ATXN8OS: variants seen among roughly 807,000 people sequenced by gnomAD.
ATXN8OS encodes the protein ATXN8 opposite strand lncRNA.
At chr13:70,167,181 A>T (rs557061862) in intron 4 of ATXN8OS, among the ~76,000 whole-genome samples, 1 of 152,124 alleles carries the variant, frequency 6.6e-6, no homozygotes, top group Admixed American at 6.6e-5. Flanking sequence ...TACCCAAAGG[A>T]TTATAAATCA....
chr13:70,138,440 A>ATTTT (rs1888650435), intron 3 of ATXN8OS, among the ~76,000 whole-genome samples: 1 of 152,154 alleles, frequency 6.6e-6, no homozygotes, highest in Non-Finnish European at 1.5e-5. Flanking sequence ...TTAAAATGCA[A>ATTTT]AAAATAGGTT....
chr13:70,129,359 T>C (rs1279628605), intron 2 of ATXN8OS, among the ~76,000 whole-genome samples: 1 of 143,410 alleles, frequency 7.0e-6, no homozygotes, highest in East Asian at 2.1e-4. Context: ...AAAATAATAT[T>C]AGTGCTTGTA....
intron 2 of ATXN8OS, among the ~76,000 whole-genome samples, chr13:70,127,753 T>C (rs1394873447): frequency 2.1e-5 from 3 of 140,602 alleles, no homozygotes; most frequent in East Asian, 4.3e-4. Context: ...ATTAATCATG[T>C]TATTAAAAAG....
chr13:70,110,310 GT>G (rs1315275405), intron 1 of ATXN8OS, among the ~76,000 whole-genome samples: 3 of 151,892 alleles, frequency 2.0e-5, no homozygotes, highest in African/African-American at 7.3e-5. Context: ...CAATATATAA[GT>G]TTGAAAAAAT....
rs553233490 is a variant in ATXN8OS, at chr13:70,120,108, C to T, written n.398+4810C>T. ...AACTTATAGCAGACATTGAACTCCACATATTTGCAATTTTTTCTTGTTATT... is the reference window on the plus strand; with the variant it reads ...AACTTATAGCAGACATTGAACTCCATATATTTGCAATTTTTTCTTGTTATT... On this transcript the variant is annotated intron_variant and non_coding_transcript_variant, in intron 2 of 4. Transcript: ENST00000678624. 3.3e-5 allele frequency among the ~76,000 whole-genome samples: 5 copies of T among 152,204 alleles called. No homozygotes were observed. The East Asian group carries it at 5.8e-4, about 18-fold the overall frequency.
chr13:70,139,386 G>T (rs633100), intron 3 of ATXN8OS: 1 of 261,180 alleles, frequency 3.8e-6, no homozygotes, highest in Non-Finnish European at 6.2e-6. Flanking sequence ...TACTACTACT[G>T]CTGCTGCTGC....
intron 1 of ATXN8OS, chr13:70,108,507 A>G (rs1050817784): frequency 6.9e-6 from 1 of 145,342 alleles, no homozygotes; most frequent in Non-Finnish European, 1.5e-5. Context: ...GCAGATGTGC[A>G]CTGGGGCCTA....
chr13:70,152,262 T>C (rs1350702134), intron 4 of ATXN8OS, among the ~76,000 whole-genome samples: 1 of 152,052 alleles, frequency 6.6e-6, no homozygotes, highest in African/African-American at 2.4e-5. Flanking sequence ...CTCTCTGAGC[T>C]TCCCATCTAA....
At position 70,133,073 on chromosome 13, in the gene ATXN8OS, G is replaced by A. The variant is rs184620827; in HGVS notation, n.499+3189G>A. ...CAATCACCTAGTTATGCCTCACTTC[G>A]ATAGAGCTAGGAGAGGCAGTTTATG... On this transcript the variant is annotated intron_variant and non_coding_transcript_variant, in intron 3 of 4. Coordinates refer to ENST00000678624, the Ensembl canonical transcript of ATXN8OS. 2.6e-5 allele frequency among the ~76,000 whole-genome samples: 4 copies of A among 152,188 alleles called. No homozygotes were observed. In the East Asian group the frequency reaches 5.8e-4, roughly 22 times the overall value.
chr13:70,116,400 AGTGAAAG>A (rs1194344343), intron 2 of ATXN8OS, among the ~76,000 whole-genome samples: 5 of 152,148 alleles, frequency 3.3e-5, no homozygotes, highest in Non-Finnish European at 4.4e-5. Flanking sequence ...TCCAAAAATA[AGTGAAAG>A]CATGGACTGT....
At chr13:70,148,967 G>A (rs1888826347) in intron 4 of ATXN8OS, among the ~76,000 whole-genome samples, 1 of 152,056 alleles carries the variant, frequency 6.6e-6, no homozygotes. Flanking sequence ...CTTAATGAAT[G>A]TAAATATGAA....
chr13:70,147,033 G>T (rs539500043), intron 3 of ATXN8OS, among the ~76,000 whole-genome samples: 1 of 152,182 alleles, frequency 6.6e-6, no homozygotes, highest in African/African-American at 2.4e-5. Flanking sequence ...ATGTGTTTTT[G>T]CAAATGGGAA....
At chr13:70,118,696 G>A (rs535085205) in intron 2 of ATXN8OS, among the ~76,000 whole-genome samples, 5 of 152,076 alleles carry the variant, frequency 3.3e-5, no homozygotes, top group Admixed American at 3.3e-4. Context: ...AGAATAATTT[G>A]TATTATAAAA....
chr13:70,114,111 A>C (rs1888240233), intron 1 of ATXN8OS, among the ~76,000 whole-genome samples: 1 of 152,228 alleles, frequency 6.6e-6, no homozygotes, highest in African/African-American at 2.4e-5. Flanking sequence ...TACTAGAAGT[A>C]AATTGGCTTC....
At chr13:70,162,527 T>C (rs551885143) in intron 4 of ATXN8OS, among the ~76,000 whole-genome samples, 5 of 152,220 alleles carry the variant, frequency 3.3e-5, no homozygotes, top group Admixed American at 3.3e-4. Context: ...TGTTGCAGGC[T>C]AGTTTCCTGA....
At chr13:70,124,397 G>A (rs1209090261) in intron 2 of ATXN8OS, among the ~76,000 whole-genome samples, 2 of 152,044 alleles carry the variant, frequency 1.3e-5, no homozygotes, top group Non-Finnish European at 2.9e-5. Context: ...ATGCTGAGTG[G>A]AGCTGCAACA....
intron 2 of ATXN8OS, among the ~76,000 whole-genome samples, chr13:70,115,575 T>TG (rs1260334369): frequency 6.6e-6 from 1 of 152,100 alleles, no homozygotes; most frequent in Non-Finnish European, 1.5e-5. Flanking sequence ...AAAATGAAGA[T>TG]GGTCTTACTA....
chr13:70,132,533 C>T lies in ATXN8OS; in HGVS notation n.499+2649C>T, dbSNP rs571506170. Among the ~76,000 whole-genome samples, 3 of 152,020 alleles carry T rather than the reference C, an allele frequency of 2.0e-5. No homozygotes were observed. The South Asian group carries it at 6.2e-4, about 32-fold the overall frequency. Reference sequence around the variant, plus strand: ...GGTACTACGCTCACCTCCTGGGTTACAGAATCATTCTTATCCTAAACCTTA... The same window carrying T: ...GGTACTACGCTCACCTCCTGGGTTATAGAATCATTCTTATCCTAAACCTTA... On this transcript the variant is annotated intron_variant and non_coding_transcript_variant, in intron 3 of 4. Coordinates refer to ENST00000678624, the Ensembl canonical transcript of ATXN8OS.
At chr13:70,153,936 C>T (rs1888905683) in intron 4 of ATXN8OS, among the ~76,000 whole-genome samples, 1 of 152,152 alleles carries the variant, frequency 6.6e-6, no homozygotes, top group African/African-American at 2.4e-5. Flanking sequence ...ATCTGCCCAC[C>T]TCAGCCTCAC....
Sources: gnomAD v4.1 joint callset for allele counts (sites outside exome capture counted in the v4.1 genomes callset) on GRCh38, gnomAD v4.1.1 for gene constraint, MANE v1.5 for transcripts, NCBI Gene and HGNC (gene_info 2026-07-23, HGNC 2026-07-21) for gene names.